PAK4: variants seen among roughly 807,000 people sequenced by gnomAD.
The protein encoded by PAK4 is p21 (RAC1) activated kinase 4.
In PAK4, 49 loss-of-function variants were observed where a neutral mutation model predicts 53.5. The observed-to-expected ratio is 0.92, with a 90% CI of 0.73 to 1.16. PAK4 has a LOEUF of 1.16. PAK4 is among the 50% of genes most tolerant of loss of function. The probability of loss-of-function intolerance (pLI) is 0.00; values close to 1 mark genes in which losing one functional copy is unlikely to be tolerated. For synonymous variants in PAK4, 376 were observed against 375.6 expected, an observed-to-expected ratio of 1.00 and a Z score of -0.01; for missense variants, 824 against 850.7, an observed-to-expected ratio of 0.97 and a Z score of 0.39.
intron 1 of PAK4, among the ~76,000 whole-genome samples, chr19:39,131,424 G>T (rs1222450346): frequency 2.0e-5 from 3 of 152,292 alleles, no homozygotes; most frequent in East Asian, 3.9e-4. Context: ...CCGGTCAGGG[G>T]TGTCCCCAGC....
At chr19:39,171,208 GTTTT>G (rs34497285) in intron 2 of PAK4, among the ~76,000 whole-genome samples, 1 of 135,460 alleles carries the variant, frequency 7.4e-6, no homozygotes. Context: ...CTCCCTGTTG[GTTTT>G]TTTTTTTTTT....
intron 1 of PAK4, among the ~76,000 whole-genome samples, chr19:39,157,968 G>C (rs1288912040): frequency 1.3e-5 from 2 of 152,170 alleles, no homozygotes; most frequent in African/African-American, 4.8e-5. Context: ...TGCATGCTCT[G>C]GCATGTCCTC....
At chr19:39,174,052 C>T (rs2074550194) in intron 4 of PAK4, 42 bp downstream of exon 5, 1 of 1,269,656 alleles carries the variant, frequency 7.9e-7, no homozygotes, top group Non-Finnish European at 1.1e-6. Context: ...GTCCTCCCAC[C>T]CCTCCCTCCC....
At chr19:39,177,362 TCTC>T (rs1381169213) in intron 7 of PAK4, among the ~76,000 whole-genome samples, 1 of 152,078 alleles carries the variant, frequency 6.6e-6, no homozygotes, top group Non-Finnish European at 1.5e-5. Flanking sequence ...AATCACTGTG[TCTC>T]CACTGTGGTG....
At chr19:39,164,324 G>A (rs767722752) in intron 1 of PAK4, among the ~76,000 whole-genome samples, 5 of 149,596 alleles carry the variant, frequency 3.3e-5, no homozygotes, top group Admixed American at 2.0e-4. Flanking sequence ...ACACAAGCAC[G>A]CCATATATGT....
At chr19:39,169,422 T>C in intron 1 of PAK4, 110 bp from the exon 3 acceptor site, 2 of 770,330 alleles carry the variant, frequency 2.6e-6, no homozygotes, top group Non-Finnish European at 4.4e-6. Context: ...AGGAGGCTAC[T>C]GCCTCCTGTT....
In PAK4 at chr19:39,175,099, G is replaced by A. The variant is rs2074575534; in HGVS notation, c.1232+35G>A. On this transcript the variant is annotated intron_variant, in intron 5 of 8. Transcript: ENST00000358301. This position sits in a 1 kb window ranked among gnomAD's most constrained non-coding sequence, Gnocchi z 4.7. ...GGGCCTCAGACCCCTCCTGTGACAC[G>A]ACCAAGTCCCCTCCAGACCACTAGG... is the stretch of plus-strand genomic sequence containing the variant. 5 of 1,581,870 alleles carry A rather than the reference G, an allele frequency of 3.2e-6. No individual in the cohort carries two copies. The highest frequency in any genetic ancestry group is 1.7e-5 in the Admixed American group (1 of 58,094).
Position 39,173,539 on chromosome 19 carries a change from G to A in PAK4, c.664-37G>A, listed in dbSNP as rs1476772714. The A allele has an allele frequency of 3.4e-6, 5 of 1,478,682 alleles. No homozygotes were observed. In the African/African-American group the frequency reaches 4.2e-5, roughly 13 times the overall value. The allele number at this position is 1,478,682 out of a possible 1,614,324, so 91.6% of individuals were successfully genotyped here. On this transcript the variant is annotated intron_variant, in intron 3 of 8. Coordinates refer to ENST00000358301, the Ensembl canonical transcript of PAK4. This position sits in a 1 kb window ranked among gnomAD's most constrained non-coding sequence, Gnocchi z 6.9. The stretch of plus-strand genomic sequence containing the variant: ...GCTTAGGGAGCAGAGCTGCTCCCTG[G>A]CACCCATCACTGACAGCTACCTCTC...
rs760479863 is a variant in PAK4 at position 39,173,236 on chromosome 19, C to T, written c.523C>T (p.Arg175Trp). Residue 175 changes from arginine to tryptophan, a missense_variant, in exon 3 of 9, where the codon CGG becomes TGG. Coordinates refer to ENST00000358301, the Ensembl canonical transcript of PAK4. This position sits in a 1 kb window ranked among gnomAD's most constrained non-coding sequence, Gnocchi z 6.9. ...CTCAGGGGGTCCCCAGGAGTCCTCC[C>T]GGGACAAACGCCCCCTCTCCGGGCC... 91 of 1,575,154 alleles carry T rather than the reference C, an allele frequency of 5.8e-5. No individual in the cohort carries two copies. In the East Asian group the frequency reaches 1.2e-3, roughly 21 times the overall value.
At chr19:39,147,439 C>G (rs887022199) in intron 1 of PAK4, among the ~76,000 whole-genome samples, 5 of 152,178 alleles carry the variant, frequency 3.3e-5, no homozygotes, top group South Asian at 2.1e-4. Flanking sequence ...TTGGCTATTA[C>G]AGACAAAGCC....
chr19:39,180,448 T>C (rs923474931), downstream of PAK4: 6 of 134,654 alleles, frequency 4.5e-5, no homozygotes, highest in African/African-American at 1.9e-4. Context: ...CAAATGAGAT[T>C]TTTTTTTTTT....
At chr19:39,158,917 GTGTT>G (rs2074238829) in intron 1 of PAK4, among the ~76,000 whole-genome samples, 1 of 152,174 alleles carries the variant, frequency 6.6e-6, no homozygotes, top group South Asian at 2.1e-4. Flanking sequence ...CCTCTGTAGT[GTGTT>G]TGTTCATTCA....
At position 39,161,688 on chromosome 19, in the gene PAK4, C is replaced by T. The variant is rs28374875; in HGVS notation, c.-22-7844C>T. 0.034 allele frequency among the ~76,000 whole-genome samples: 5,172 copies of T among 152,114 alleles called. 297 individuals carry two copies. The highest frequency in any genetic ancestry group is 0.12 in the African/African-American group (4,935 of 41,476). On this transcript the variant is annotated intron_variant, in intron 1 of 8. Transcript: ENST00000358301. This position sits in a 1 kb window ranked among gnomAD's most constrained non-coding sequence, Gnocchi z 4.5. ...CACTCGGGAAAGGACCAGGCCCTCCCGGTGGCCCCCAAAGCCCCACACGAT... is the reference window on the plus strand; with the variant it reads ...CACTCGGGAAAGGACCAGGCCCTCCTGGTGGCCCCCAAAGCCCCACACGAT...
At chr19:39,165,154 G>A (rs1461137794) in intron 1 of PAK4, among the ~76,000 whole-genome samples, 2 of 147,982 alleles carry the variant, frequency 1.4e-5, no homozygotes, top group African/African-American at 2.5e-5. Flanking sequence ...CGGAGGGAGA[G>A]GGGAGGCCAG....
Position 39,139,021 on chromosome 19 carries a change from G to A in PAK4, c.-23+13102G>A, listed in dbSNP as rs370842669. On this transcript the variant is annotated intron_variant, in intron 1 of 8. Coordinates refer to ENST00000358301, the Ensembl canonical transcript of PAK4. ...AGCAGGTGTGATGGAGATTACAGCCGATTCCTCCCCTGATTCACATCATCC... is the reference window on the plus strand; with the variant it reads ...AGCAGGTGTGATGGAGATTACAGCCAATTCCTCCCCTGATTCACATCATCC... Among the ~76,000 whole-genome samples the A allele has an allele frequency of 1.4e-4, 22 of 152,262 alleles. No homozygotes were observed. In the East Asian group the frequency reaches 1.7e-3, roughly 12 times the overall value.
intron 1 of PAK4, among the ~76,000 whole-genome samples, chr19:39,139,030 C>T (rs1295283699): frequency 2.0e-5 from 3 of 152,192 alleles, no homozygotes; most frequent in Non-Finnish European, 4.4e-5. Context: ...CGATTCCTCC[C>T]CTGATTCACA....
rs1013563178 is a variant in PAK4 at position 39,150,376 on chromosome 19, C to T, written c.-22-19156C>T. On this transcript the variant is annotated intron_variant, in intron 1 of 8. Transcript: ENST00000358301. The stretch of plus-strand genomic sequence containing the variant: ...ACTGTGTTGGGCCTAGGTTCAGAGT[C>T]GTCCTTGACACCACCTCATCCTCAG... Among the ~76,000 whole-genome samples, 26 of 152,266 alleles carry T rather than the reference C, an allele frequency of 1.7e-4. No homozygotes were observed. The East Asian group carries it at 3.1e-3, about 18-fold the overall frequency.
chr19:39,152,275 C>T (rs1054533281), intron 1 of PAK4: 3 of 152,098 alleles, frequency 2.0e-5, no homozygotes, highest in African/African-American at 2.4e-5. Flanking sequence ...CCGCCCGGGA[C>T]GTGAATCACC....
At chr19:39,170,046 C>G (rs182714778) in intron 2 of PAK4, among the ~76,000 whole-genome samples, 1 of 152,150 alleles carries the variant, frequency 6.6e-6, no homozygotes, top group Non-Finnish European at 1.5e-5. Context: ...ACTCATGTCC[C>G]GGGGGCCATG....
Sources: allele counts gnomAD v4.1 joint callset (sites outside exome capture counted in the v4.1 genomes callset), GRCh38; gene constraint gnomAD v4.1.1; non-coding constraint Gnocchi (gnomAD v3.1); transcripts MANE v1.5; gene names NCBI Gene and HGNC (gene_info 2026-07-23, HGNC 2026-07-21).